CAPZA1: variants seen among roughly 807,000 people sequenced by gnomAD.
CAPZA1 encodes the protein F-actin-capping protein subunit alpha-1.
Under a neutral mutation model 40.8 loss-of-function variants are expected in CAPZA1, and 10 were observed. The observed-to-expected ratio is 0.25, with a 90% CI of 0.15 to 0.42. The LOEUF is 0.42. CAPZA1 is among the 10% of genes least tolerant of loss of function. The pLI is 1.00. For synonymous variants in CAPZA1, 98 were observed against 115.0 expected (o/e 0.85, Z 0.95); for missense variants, 277 against 353.8 (o/e 0.78, Z 1.74).
At chr1:112,640,115 AG>A (rs1428234538) in intron 1 of CAPZA1, among the ~76,000 whole-genome samples, 1 of 118,058 alleles carries the variant, frequency 8.5e-6, no homozygotes, top group Non-Finnish European at 1.8e-5. Flanking sequence ...CTGCCCAGCC[AG>A]CCGCCCCGTC....
rs185340121 is a variant in CAPZA1 at position 112,648,163 on chromosome 1, A to C, written c.103+890A>C. ...ATTGGAAAAAGTAACTAGGAGAAAC[A>C]TAAACATTTGCTTCAGGGAGTATAA... On this transcript the variant is annotated intron_variant, in intron 2 of 9. Transcript: ENST00000263168. Among the ~76,000 whole-genome samples the C allele has an allele frequency of 5.9e-5, 9 of 152,284 alleles. No homozygotes were observed. The East Asian group carries it at 1.3e-3, about 23-fold the overall frequency.
chr1:112,645,957 C>A (rs902492442), intron 1 of CAPZA1, among the ~76,000 whole-genome samples: 36 of 71,072 alleles, frequency 5.1e-4, no homozygotes, highest in Admixed American at 3.2e-3. Context: ...TAGCGAGACC[C>A]TGTCTCTTAA....
At position 112,643,279 on chromosome 1, in the gene CAPZA1, T is replaced by C. The variant is rs183915222; in HGVS notation, c.40-3931T>C. Among the ~76,000 whole-genome samples the C allele has an allele frequency of 5.9e-5, 9 of 152,338 alleles. No individual in the cohort carries two copies. The East Asian group carries it at 1.3e-3, about 23-fold the overall frequency. ...TCATGAGTTGAGCAGGATTTCTTCC[T>C]GATTAGAATCTCTCTTTTTATTGTT... On this transcript the variant is annotated intron_variant, in intron 1 of 9. Coordinates refer to ENST00000263168, the MANE Select transcript of CAPZA1 (RefSeq NM_006135.3).
chr1:112,637,645 T>A (rs1399006023), intron 1 of CAPZA1, among the ~76,000 whole-genome samples: 1 of 152,204 alleles, frequency 6.6e-6, no homozygotes, highest in Non-Finnish European at 1.5e-5. Flanking sequence ...AGAGATAAGA[T>A]CTTACTGTGT....
intron 1 of CAPZA1, among the ~76,000 whole-genome samples, chr1:112,625,346 C>T (rs908709005): frequency 2.0e-5 from 3 of 152,126 alleles, no homozygotes; most frequent in Non-Finnish European, 4.4e-5. Flanking sequence ...GAAAGTATTT[C>T]CTTCACCAGC....
At chr1:112,626,722 A>G (rs891179944) in intron 1 of CAPZA1, among the ~76,000 whole-genome samples, 1 of 152,112 alleles carries the variant, frequency 6.6e-6, no homozygotes, top group African/African-American at 2.4e-5. Context: ...TTCTTTATAC[A>G]TCCTTCCTGG....
At chr1:112,633,563 C>T (rs1175534475) in intron 1 of CAPZA1, among the ~76,000 whole-genome samples, 1 of 152,156 alleles carries the variant, frequency 6.6e-6, no homozygotes, top group Non-Finnish European at 1.5e-5. Flanking sequence ...CATGGGGGTG[C>T]AGATATCTCT....
At chr1:112,637,774 C>G (rs1200311504) in intron 1 of CAPZA1, among the ~76,000 whole-genome samples, 2 of 151,974 alleles carry the variant, frequency 1.3e-5, no homozygotes, top group Non-Finnish European at 2.9e-5. Context: ...TTTATAGGAT[C>G]TATAAACTAA....
At chr1:112,639,899 G>A (rs1327765230) in intron 1 of CAPZA1, among the ~76,000 whole-genome samples, 4 of 132,624 alleles carry the variant, frequency 3.0e-5, no homozygotes, top group Admixed American at 7.8e-5. Flanking sequence ...CAGCCGCCCC[G>A]TCCGGGAGGG....
At chr1:112,642,500 C>A (rs1671190847) in intron 1 of CAPZA1, among the ~76,000 whole-genome samples, 1 of 152,064 alleles carries the variant, frequency 6.6e-6, no homozygotes, top group African/African-American at 2.4e-5. Context: ...TAGGCGTGAG[C>A]CACCGCGCCT....
At chr1:112,663,341 G>A (rs1269502065) in intron 7 of CAPZA1, among the ~76,000 whole-genome samples, 1 of 152,112 alleles carries the variant, frequency 6.6e-6, no homozygotes, top group African/African-American at 2.4e-5. Context: ...ACTGATATTT[G>A]ATTGTGACCT....
Position 112,669,489 on chromosome 1 carries a change from C to T in CAPZA1, c.658-54C>T, listed in dbSNP as rs1292614754. 7 of 1,213,634 alleles carry T rather than the reference C, an allele frequency of 5.8e-6. No homozygotes were observed. In the African/African-American group the frequency reaches 6.0e-5, roughly 10 times the overall value. The allele number at this position is 1,213,634 out of a possible 1,614,324, so 75.2% of individuals were successfully genotyped here. On this transcript the variant is annotated intron_variant, in intron 8 of 9. Coordinates refer to ENST00000263168, the MANE Select transcript of CAPZA1 (RefSeq NM_006135.3). The stretch of plus-strand genomic sequence containing the variant: ...AGATGGACTTACTTTCAGGATCTTA[C>T]TGCTTACACATTAAAAAAAAATCTG...
intron 5 of CAPZA1, among the ~76,000 whole-genome samples, chr1:112,656,901 AT>A (rs1257392180): frequency 3.5e-3 from 489 of 139,074 alleles, no homozygotes; most frequent in African/African-American, 4.5e-3. Flanking sequence ...ACTGACAGAA[AT>A]TTTTTTTTTT....
intron 3 of CAPZA1, among the ~76,000 whole-genome samples, chr1:112,652,814 G>A (rs1671421050): frequency 6.6e-6 from 1 of 152,024 alleles, no homozygotes; most frequent in Non-Finnish European, 1.5e-5. Context: ...CTTGTCTTTT[G>A]CTTTAGCTTT....
intron 2 of CAPZA1, among the ~76,000 whole-genome samples, chr1:112,648,799 C>G (rs1280938987): frequency 6.6e-6 from 1 of 152,012 alleles, no homozygotes; most frequent in Non-Finnish European, 1.5e-5. Flanking sequence ...CCCGTCTCTA[C>G]TAAAAATACA....
At position 112,619,849 on chromosome 1, in the gene CAPZA1, C is replaced by G; in HGVS notation, c.5C>G (p.Ala2Gly). ...GCTGGGCCAGAACAGCCCAAGATGGCCGACTTCGATGATCGTGTGTCGGAT... is the reference window on the plus strand; with the variant it reads ...GCTGGGCCAGAACAGCCCAAGATGGGCGACTTCGATGATCGTGTGTCGGAT... M[A>G]DFDDRVSDEE... The change falls in exon 1 of 10, where the codon GCC becomes GGC. Residue 2 changes from alanine to glycine, a missense_variant. Physicochemically the swap from Ala to Gly is moderately conservative, Grantham distance 60 (BLOSUM62 0). Transcript: ENST00000263168. 1.2e-6 allele frequency: 2 copies of G among 1,612,932 alleles called. No homozygotes were observed. Among genetic ancestry groups the G allele is most frequent in the Non-Finnish European group, 1.7e-6 (2 of 1,179,474 alleles).
intron 1 of CAPZA1, among the ~76,000 whole-genome samples, chr1:112,641,934 A>G (rs1264471438): frequency 1.3e-5 from 2 of 151,652 alleles, no homozygotes; most frequent in Non-Finnish European, 2.9e-5. Context: ...AAAATAACTC[A>G]TTTGAAAATA....
intron 2 of CAPZA1, among the ~76,000 whole-genome samples, chr1:112,647,886 G>C (rs772886104): frequency 1.3e-5 from 2 of 152,148 alleles, no homozygotes; most frequent in Non-Finnish European, 2.9e-5. Context: ...TTACAAGATG[G>C]AAAATGTGAT....
chr1:112,646,136 T>C (rs1302015810), intron 1 of CAPZA1, among the ~76,000 whole-genome samples: 2 of 152,170 alleles, frequency 1.3e-5, no homozygotes, highest in East Asian at 3.8e-4. Flanking sequence ...TTTATAATAG[T>C]ATATCCAGAA....
Sources: gnomAD v4.1 joint callset for allele counts (sites outside exome capture counted in the v4.1 genomes callset) on GRCh38, gnomAD v4.1.1 for gene constraint, MANE v1.5 for transcripts, NCBI Gene and HGNC (gene_info 2026-07-23, HGNC 2026-07-21) for gene names.